OSBPL6: variants seen among roughly 807,000 people sequenced by gnomAD.
OSBPL6 encodes the protein oxysterol binding protein like 6.
OSBPL6 carries 49 observed loss-of-function variants against 125.8 expected under a neutral mutation model. The ratio of observed to expected loss-of-function variants is 0.39; its 90% CI spans 0.31 to 0.49. OSBPL6 has a LOEUF of 0.49. OSBPL6 is among the 20% of genes least tolerant of loss of function. The pLI is 0.88. For synonymous variants in OSBPL6, 394 were observed against 391.8 expected, an observed-to-expected ratio of 1.01 and a Z score of -0.07; for missense variants, 986 against 1,135.4, an observed-to-expected ratio of 0.87 and a Z score of 1.89.
At position 178,251,850 on chromosome 2, in the gene OSBPL6, G is replaced by A. The variant is rs547209600; in HGVS notation, c.-350-33077G>A. Among the ~76,000 whole-genome samples the A allele has an allele frequency of 5.3e-5, 8 of 152,278 alleles. No individual in the cohort carries two copies. In the East Asian group the frequency reaches 1.4e-3, roughly 26 times the overall value. The stretch of plus-strand genomic sequence containing the variant: ...ATGATGGTGGCAGCAGCAATCCTGC[G>A]CATGTGCTTGTCATTGTGTAATTTT... On this transcript the variant is annotated intron_variant, in intron 1 of 24. Coordinates refer to ENST00000190611, the MANE Select transcript of OSBPL6 (RefSeq NM_032523.4).
intron 2 of OSBPL6, among the ~76,000 whole-genome samples, chr2:178,292,276 T>A (rs1164545340): frequency 1.3e-5 from 2 of 152,194 alleles, no homozygotes; most frequent in African/African-American, 4.8e-5. Context: ...GAAGAATGAT[T>A]AATATTTTAA....
chr2:178,237,001 C>T (rs1054224934), intron 1 of OSBPL6, among the ~76,000 whole-genome samples: 8 of 152,144 alleles, frequency 5.3e-5, no homozygotes, highest in Admixed American at 2.0e-4. Flanking sequence ...TCTCTTACCT[C>T]TTATACTCTC....
At chr2:178,394,992 G>C (rs6757186) in intron 24 of OSBPL6, among the ~76,000 whole-genome samples, 71,092 of 151,950 alleles carry the variant, frequency 0.47, 17,403 homozygotes, top group East Asian at 0.75. Flanking sequence ...GACTTGTCCT[G>C]TCATTACTGC....
chr2:178,252,735 C>T (rs529188692), intron 1 of OSBPL6, among the ~76,000 whole-genome samples: 1 of 152,152 alleles, frequency 6.6e-6, no homozygotes, highest in Admixed American at 6.5e-5. Context: ...AATGCTAATA[C>T]TTCTAGACTG....
intron 1 of OSBPL6, among the ~76,000 whole-genome samples, chr2:178,232,373 CAT>C (rs772419952): frequency 4.4e-4 from 67 of 152,150 alleles, no homozygotes; most frequent in Non-Finnish European, 3.5e-4. Flanking sequence ...ATCCCAGAGA[CAT>C]AGGGCACCAA....
chr2:178,227,282 G>C (rs574002060), intron 1 of OSBPL6, among the ~76,000 whole-genome samples: 10 of 152,294 alleles, frequency 6.6e-5, no homozygotes, highest in African/African-American at 2.4e-4. Flanking sequence ...CATTCAATTG[G>C]CAAGAATAGA....
At chr2:178,336,116 G>T (rs1216445563) in intron 8 of OSBPL6, among the ~76,000 whole-genome samples, 185 bp from the exon 9 acceptor site, 1 of 152,154 alleles carries the variant, frequency 6.6e-6, no homozygotes, top group African/African-American at 2.4e-5. Flanking sequence ...GTTTAATGAG[G>T]GGTTGCTGTT....
At chr2:178,373,401 A>T (rs1693580881) in intron 14 of OSBPL6, among the ~76,000 whole-genome samples, 1 of 152,192 alleles carries the variant, frequency 6.6e-6, no homozygotes, top group Non-Finnish European at 1.5e-5. Flanking sequence ...GTATAATTTG[A>T]AATAAGGTTC....
intron 2 of OSBPL6, among the ~76,000 whole-genome samples, chr2:178,288,496 T>A (rs1200911609): frequency 6.6e-6 from 1 of 152,150 alleles, no homozygotes; most frequent in Non-Finnish European, 1.5e-5. Flanking sequence ...ACCTGAAAGA[T>A]TTAGACCAGT....
intron 1 of OSBPL6, among the ~76,000 whole-genome samples, chr2:178,246,245 A>G (rs2091485823): frequency 6.6e-6 from 1 of 152,138 alleles, no homozygotes; most frequent in Non-Finnish European, 1.5e-5. Context: ...CTGAAACTGC[A>G]TCAGTAAGAT....
At chr2:178,260,162 T>G (rs2092012220) in intron 1 of OSBPL6, among the ~76,000 whole-genome samples, 1 of 152,210 alleles carries the variant, frequency 6.6e-6, no homozygotes, top group African/African-American at 2.4e-5. Context: ...TTATTTTCTT[T>G]TATGCACCAG....
At chr2:178,193,856 T>C (rs936198189), upstream of OSBPL6, among the ~76,000 whole-genome samples, 1 of 152,188 alleles carries the variant, frequency 6.6e-6, no homozygotes, top group Non-Finnish European at 1.5e-5. Context: ...GGCTCTTCCT[T>C]TCGCAGAACC....
chr2:178,253,614 G>A (rs1574639801), intron 1 of OSBPL6, among the ~76,000 whole-genome samples: 1 of 152,182 alleles, frequency 6.6e-6, no homozygotes, highest in Non-Finnish European at 1.5e-5. Context: ...ATATTTTGCT[G>A]TAGTATCCAC....
At chr2:178,269,373 T>C (rs146690816) in intron 1 of OSBPL6, among the ~76,000 whole-genome samples, 58 of 152,344 alleles carry the variant, frequency 3.8e-4, no homozygotes, top group Non-Finnish European at 7.3e-4. Context: ...ATGAACAATT[T>C]GTCTTTTAAT....
rs540115405 is a variant in OSBPL6, at chr2:178,210,174, C to T, written c.-351+15500C>T. ...AGCTGGGATTACAGGTGCCTGCCAC[C>T]ATGCCCAGCTAACTTTGTTATGTAT... On this transcript the variant is annotated intron_variant, in intron 1 of 24. Transcript: ENST00000190611. 2.8e-5 allele frequency among the ~76,000 whole-genome samples: 4 copies of T among 143,410 alleles called. No individual in the cohort carries two copies. The East Asian group carries it at 6.0e-4, about 22-fold the overall frequency. The allele number at this position is 143,410 out of a possible 152,430, so 94.1% of individuals were successfully genotyped here.
chr2:178,344,942 C>CAA (rs79068282), intron 11 of OSBPL6, among the ~76,000 whole-genome samples: 1 of 149,578 alleles, frequency 6.7e-6, no homozygotes, highest in South Asian at 2.1e-4. Flanking sequence ...GTGGAAATGA[C>CAA]AAAAAAAAGA....
chr2:178,325,517 T>C (rs1688623828), intron 4 of OSBPL6, among the ~76,000 whole-genome samples: 2 of 152,362 alleles, frequency 1.3e-5, no homozygotes, highest in East Asian at 1.9e-4. Context: ...GAGTACAGAC[T>C]GTATACCTGG....
Position 178,389,172 on chromosome 2 carries a change from C to T in OSBPL6, c.2301+19C>T, listed in dbSNP as rs1171251215. On this transcript the variant is annotated intron_variant, in intron 21 of 24. Transcript: ENST00000190611. Reference sequence around the variant, plus strand: ...TGTCAAGGTAAATACTATCATACAACAGTAAAGGAAAATGAGTATAAAATG... The same window carrying T: ...TGTCAAGGTAAATACTATCATACAATAGTAAAGGAAAATGAGTATAAAATG... The T allele has an allele frequency of 1.9e-6, 3 of 1,608,436 alleles. No individual in the cohort carries two copies. Among genetic ancestry groups the T allele is most frequent in the Admixed American group, 1.7e-5 (1 of 59,614 alleles).
chr2:178,226,985 A>C (rs2090590983), intron 1 of OSBPL6, among the ~76,000 whole-genome samples: 1 of 152,206 alleles, frequency 6.6e-6, no homozygotes, highest in Non-Finnish European at 1.5e-5. Context: ...AAGGTTGAAT[A>C]GCTGGAGATA....
Sources: gnomAD v4.1 joint callset for allele counts (sites outside exome capture counted in the v4.1 genomes callset) on GRCh38, gnomAD v4.1.1 for gene constraint, MANE v1.5 for transcripts, NCBI Gene and HGNC (gene_info 2026-07-23, HGNC 2026-07-21) for gene names.